The following SEMA5A variants were observed in gnomAD, a reference collection of about 807,000 sequenced individuals.
SEMA5A encodes the protein semaphorin 5A, also known as semaphorin-5A.
In SEMA5A, 55 loss-of-function variants were observed where a neutral mutation model predicts 135.5. That is an observed-to-expected ratio of 0.41 (90% confidence interval 0.33 to 0.51). SEMA5A has a LOEUF of 0.51. Among genes scored for constraint, SEMA5A ranks in the 20% least tolerant of loss-of-function variants. SEMA5A has a pLI of 0.37. For missense variants in SEMA5A, 1,290 were observed against 1,419.9 expected (o/e 0.91, Z 1.47); for synonymous variants, 580 against 546.5 (o/e 1.06, Z -0.85).
intron 8 of SEMA5A, among the ~76,000 whole-genome samples, chr5:9,221,076 A>G (rs1030866501): frequency 6.6e-6 from 1 of 152,070 alleles, no homozygotes; most frequent in Admixed American, 6.5e-5. Flanking sequence ...TCACCACCCC[A>G]TTGTAGCCTC....
At position 9,273,442 on chromosome 5, in the gene SEMA5A, C is replaced by A. The variant is rs143075068; in HGVS notation, c.271-35552G>T. Among the ~76,000 whole-genome samples the A allele has an allele frequency of 1.0e-2, 1,519 of 152,184 alleles. 26 individuals carry two copies. The highest frequency in any genetic ancestry group is 0.035 in the African/African-American group (1,466 of 41,516). On this transcript the variant is annotated intron_variant, in intron 5 of 22. Coordinates refer to ENST00000382496, the MANE Select transcript of SEMA5A (RefSeq NM_003966.3). ...AGGATATTATCTAGGAGAACTTCCC[C>A]AACCTAGCAAGGCAGGCCAACATTC...
At chr5:9,259,620 G>A (rs1315688870) in intron 5 of SEMA5A, among the ~76,000 whole-genome samples, 2 of 152,028 alleles carry the variant, frequency 1.3e-5, no homozygotes, top group African/African-American at 4.8e-5. Flanking sequence ...TTGACTTTCT[G>A]TCTCCCTGCT....
intron 5 of SEMA5A, among the ~76,000 whole-genome samples, chr5:9,290,198 AC>A (rs1289381186): frequency 1.3e-5 from 2 of 151,488 alleles, no homozygotes; most frequent in Admixed American, 6.6e-5. Context: ...TTTATCCCTC[AC>A]CCCCTCCCAC....
At chr5:9,183,844 T>C (rs1024658501) in intron 11 of SEMA5A, among the ~76,000 whole-genome samples, 2 of 152,246 alleles carry the variant, frequency 1.3e-5, no homozygotes, top group Non-Finnish European at 2.9e-5. Flanking sequence ...GAAGTAGGAA[T>C]CACAGATACA....
At chr5:9,052,871 T>C (rs1369549076) in intron 19 of SEMA5A, among the ~76,000 whole-genome samples, 1 of 152,242 alleles carries the variant, frequency 6.6e-6, no homozygotes, top group Non-Finnish European at 1.5e-5. Flanking sequence ...GGTATTTTTC[T>C]ATGCAGTTTG....
intron 1 of SEMA5A, among the ~76,000 whole-genome samples, chr5:9,493,708 C>A (rs1735154378): frequency 6.6e-6 from 1 of 152,144 alleles, no homozygotes; most frequent in African/African-American, 2.4e-5. Flanking sequence ...CTGCAAGCAA[C>A]TTTTCCCATG....
At chr5:9,401,562 A>C (rs1232274317) in intron 2 of SEMA5A, among the ~76,000 whole-genome samples, 2 of 152,144 alleles carry the variant, frequency 1.3e-5, no homozygotes, top group Non-Finnish European at 2.9e-5. Context: ...ACCATTGCCA[A>C]AGCACAGGAA....
chr5:9,070,072 C>T (rs1737691877), intron 16 of SEMA5A, among the ~76,000 whole-genome samples: 1 of 152,114 alleles, frequency 6.6e-6, no homozygotes, highest in Admixed American at 6.5e-5. Context: ...GAAATGGGCT[C>T]AAAACACATG....
At chr5:9,541,712 T>C (rs866242517) in intron 1 of SEMA5A, among the ~76,000 whole-genome samples, 3 of 152,186 alleles carry the variant, frequency 2.0e-5, no homozygotes, top group African/African-American at 7.2e-5. Context: ...AGAAAGAAGA[T>C]GACAACAGCA....
chr5:9,346,295 G>A (rs1260447955), intron 3 of SEMA5A, among the ~76,000 whole-genome samples: 1 of 152,016 alleles, frequency 6.6e-6, no homozygotes, highest in Non-Finnish European at 1.5e-5. Context: ...CCCCTTTCCA[G>A]CTCCCCTTCC....
chr5:9,316,854 T>C (rs1336143907), intron 5 of SEMA5A, among the ~76,000 whole-genome samples: 1 of 152,158 alleles, frequency 6.6e-6, no homozygotes, highest in Non-Finnish European at 1.5e-5. Context: ...ACATAGTACA[T>C]TGTTAGTAGT....
At chr5:9,378,931 ATTT>A (rs72220629) in intron 3 of SEMA5A, among the ~76,000 whole-genome samples, 35 of 151,524 alleles carry the variant, frequency 2.3e-4, no homozygotes, top group Non-Finnish European at 4.4e-4. Context: ...AAATTATTTG[ATTT>A]TTTTTTAATT....
chr5:9,237,383 AAG>A lies in SEMA5A; in HGVS notation c.333+443_333+444del, dbSNP rs542014766. Among the ~76,000 whole-genome samples, 344 of 152,336 alleles carry A rather than the reference AAG, an allele frequency of 2.3e-3. 1 individual carries two copies. Among genetic ancestry groups the A allele is most frequent in the Non-Finnish European group, 4.2e-3 (286 of 68,026 alleles). On this transcript the variant is annotated intron_variant, in intron 6 of 22. Coordinates refer to ENST00000382496, the MANE Select transcript of SEMA5A (RefSeq NM_003966.3). ...CATGGGATGTAGATTTTCGTATGAA[AAG>A]AGAGTTTATTATAAAGAATATGTTA... is the stretch of plus-strand genomic sequence containing the variant.
intron 11 of SEMA5A, among the ~76,000 whole-genome samples, chr5:9,157,089 C>T (rs904166699): frequency 3.3e-5 from 5 of 152,228 alleles, no homozygotes; most frequent in African/African-American, 4.8e-5. Flanking sequence ...AATGGATGAC[C>T]GTGCATCCTT....
At chr5:9,198,812 G>GACA (rs1745552076) in intron 9 of SEMA5A, among the ~76,000 whole-genome samples, 1 of 152,192 alleles carries the variant, frequency 6.6e-6, no homozygotes, top group Non-Finnish European at 1.5e-5. Flanking sequence ...AAATAAGTGT[G>GACA]CTGGAGTAAG....
intron 11 of SEMA5A, 102 bp from the exon 12 acceptor site, chr5:9,154,797 C>A: frequency 2.0e-6 from 2 of 1,011,698 alleles, no homozygotes; most frequent in East Asian, 2.5e-5. Flanking sequence ...GGATCTTCAG[C>A]CAGGAAAGCC....
intron 3 of SEMA5A, 36 bp from the exon 4 acceptor site, chr5:9,337,848 A>C: frequency 1.4e-6 from 2 of 1,440,012 alleles, no homozygotes; most frequent in Non-Finnish European, 1.9e-6. Context: ...AAAGATAAAA[A>C]TGAATTATTT....
At chr5:9,316,468 T>C (rs1752394179) in intron 5 of SEMA5A, among the ~76,000 whole-genome samples, 1 of 152,186 alleles carries the variant, frequency 6.6e-6, no homozygotes, top group South Asian at 2.1e-4. Context: ...TATATGTAAA[T>C]ATATGTTTGT....
rs140008630 is a variant in SEMA5A, at chr5:9,306,621, C to T, written c.270+11751G>A. Among the ~76,000 whole-genome samples, 110 of 152,242 alleles carry T rather than the reference C, an allele frequency of 7.2e-4. 1 individual carries two copies. The East Asian group carries it at 0.017, about 23-fold the overall frequency. ...AGTTACCTTCTGCTAACTTTACTAA[C>T]TGTATCATCTGTCACTTTCATCAGC... On this transcript the variant is annotated intron_variant, in intron 5 of 22. Coordinates refer to ENST00000382496, the MANE Select transcript of SEMA5A (RefSeq NM_003966.3).
Sources: gnomAD v4.1 joint callset for allele counts (sites outside exome capture counted in the v4.1 genomes callset) on GRCh38, gnomAD v4.1.1 for gene constraint, MANE v1.5 for transcripts, NCBI Gene and HGNC (gene_info 2026-07-23, HGNC 2026-07-21) for gene names.